PRKCA: variants seen among roughly 807,000 people sequenced by gnomAD.
The protein encoded by PRKCA is protein kinase C alpha type.
A neutral mutation model predicts 87.0 loss-of-function variants in PRKCA; 27 were observed. The observed-to-expected ratio is 0.31, with a 90% CI of 0.23 to 0.43. The LOEUF (loss-of-function observed/expected upper bound fraction) is 0.43, where lower values mean the gene tolerates loss of function less well. PRKCA is among the 20% of genes least tolerant of loss of function. The pLI is 1.00. For missense variants in PRKCA, 518 were observed against 852.3 expected (o/e 0.61, Z 4.88); for synonymous variants, 329 against 311.1 (o/e 1.06, Z -0.61).
chr17:66,606,463 C>T (rs993619452), intron 3 of PRKCA, among the ~76,000 whole-genome samples: 1 of 152,124 alleles, frequency 6.6e-6, no homozygotes, highest in African/African-American at 2.4e-5. Context: ...TCTGAAAGAG[C>T]TCATACGAAT....
At position 66,652,248 on chromosome 17, in the gene PRKCA, C is replaced by T. The variant is rs927444294; in HGVS notation, c.529+6737C>T. On this transcript the variant is annotated intron_variant, in intron 5 of 16. Transcript: ENST00000413366. ...TGTTGGGATTACAGGCGTGAGCCAC[C>T]GTGCCTGGCCAACCATTCTTGATTA... Among the ~76,000 whole-genome samples the T allele has an allele frequency of 3.9e-5, 6 of 152,256 alleles. No homozygotes were observed. The East Asian group carries it at 7.7e-4, about 20-fold the overall frequency.
chr17:66,345,448 A>C (rs537504629), intron 2 of PRKCA, among the ~76,000 whole-genome samples: 2 of 152,222 alleles, frequency 1.3e-5, no homozygotes, highest in South Asian at 4.1e-4. Flanking sequence ...TCACTTGCCT[A>C]ATTAGTTTTA....
intron 3 of PRKCA, among the ~76,000 whole-genome samples, chr17:66,544,175 G>T (rs1968079403): frequency 6.6e-6 from 1 of 152,128 alleles, no homozygotes; most frequent in African/African-American, 2.4e-5. Context: ...AGTGAGCCAA[G>T]ATCAGACCAC....
intron 3 of PRKCA, among the ~76,000 whole-genome samples, chr17:66,620,119 T>C (rs553536999): frequency 1.1e-4 from 16 of 152,332 alleles, no homozygotes; most frequent in Admixed American, 3.9e-4. Flanking sequence ...CAGCCCTTCC[T>C]CAAGGAGCTG....
chr17:66,741,743 C>T, intron 12 of PRKCA, 22 bp downstream of exon 12: 7 of 1,611,560 alleles, frequency 4.3e-6, no homozygotes, highest in Non-Finnish European at 5.9e-6. Flanking sequence ...AGCCCTCCTA[C>T]CAGCAGCTCA....
chr17:66,627,760 C>A (rs1219244297), intron 3 of PRKCA, among the ~76,000 whole-genome samples: 1 of 152,320 alleles, frequency 6.6e-6, no homozygotes, highest in Admixed American at 6.5e-5. Flanking sequence ...TGTTTTACGG[C>A]TTCCTACCAG....
Position 66,399,100 on chromosome 17 carries a change from C to CTTTTCTTTTCTTTTCT in PRKCA, c.205+92977_205+92978insCTTTTCTTTTCTTTTT, listed in dbSNP as rs1555598364. On this transcript the variant is annotated intron_variant, in intron 2 of 16. Transcript: ENST00000413366. The stretch of plus-strand genomic sequence containing the variant: ...ACAGCATTTTCTTTTCTTTTCTTTT[C>CTTTTCTTTTCTTTTCT]TTTTTTTTTTTTTTTTGAGACAGGG... Among the ~76,000 whole-genome samples, 302 of 117,268 alleles carry CTTTTCTTTTCTTTTCT rather than the reference C, an allele frequency of 2.6e-3. 2 individuals carry two copies. The highest frequency in any genetic ancestry group is 7.5e-3 in the African/African-American group (239 of 31,758). 76.9% of individuals were successfully genotyped at this position (117,268 alleles called of 152,430 possible).
At chr17:66,352,102 T>C (rs908470725) in intron 2 of PRKCA, among the ~76,000 whole-genome samples, 1 of 152,138 alleles carries the variant, frequency 6.6e-6, no homozygotes, top group Non-Finnish European at 1.5e-5. Context: ...TCCAATGAAC[T>C]CTGCTCATGG....
intron 5 of PRKCA, among the ~76,000 whole-genome samples, chr17:66,666,410 A>G (rs1972044159): frequency 6.6e-6 from 1 of 152,064 alleles, no homozygotes; most frequent in East Asian, 1.9e-4. Flanking sequence ...CTCTGCTGAC[A>G]TTTGCCTGGA....
intron 2 of PRKCA, among the ~76,000 whole-genome samples, chr17:66,360,126 C>A (rs1908301428): frequency 6.6e-6 from 1 of 152,210 alleles, no homozygotes; most frequent in Non-Finnish European, 1.5e-5. Context: ...TTCACAATAA[C>A]TTTTCCACTC....
chr17:66,470,737 T>A (rs958229946), intron 2 of PRKCA, among the ~76,000 whole-genome samples: 4 of 152,152 alleles, frequency 2.6e-5, no homozygotes, highest in Admixed American at 2.6e-4. Flanking sequence ...AGGATTTAAT[T>A]ATTAGGGGGA....
intron 3 of PRKCA, among the ~76,000 whole-genome samples, chr17:66,573,684 T>C (rs1025487874): frequency 6.6e-6 from 1 of 152,234 alleles, no homozygotes; most frequent in Admixed American, 6.5e-5. Context: ...TTTGACATTA[T>C]GCTTTGTTGT....
chr17:66,518,974 C>G (rs1031020565), intron 3 of PRKCA, among the ~76,000 whole-genome samples: 2 of 152,166 alleles, frequency 1.3e-5, no homozygotes, highest in African/African-American at 4.8e-5. Context: ...GCGTACACTA[C>G]AAAGCACAGA....
intron 2 of PRKCA, among the ~76,000 whole-genome samples, chr17:66,436,214 T>C (rs1256942038): frequency 6.6e-6 from 1 of 152,200 alleles, no homozygotes; most frequent in East Asian, 1.9e-4. Flanking sequence ...AATGAAAATC[T>C]TGTGAAAGCT....
intron 2 of PRKCA, among the ~76,000 whole-genome samples, chr17:66,392,650 G>A (rs937486644): frequency 1.3e-5 from 2 of 152,016 alleles, no homozygotes; most frequent in Non-Finnish European, 2.9e-5. Flanking sequence ...GTGGTGTTTA[G>A]TCAGCTGCAT....
At chr17:66,479,281 T>G in intron 2 of PRKCA, among the ~76,000 whole-genome samples, 1 of 152,136 alleles carries the variant, frequency 6.6e-6, no homozygotes, top group East Asian at 1.9e-4. Context: ...CACTGATCAT[T>G]AGAGAAATGC....
At chr17:66,522,179 G>T (rs1967182434) in intron 3 of PRKCA, among the ~76,000 whole-genome samples, 1 of 152,190 alleles carries the variant, frequency 6.6e-6, no homozygotes, top group Non-Finnish European at 1.5e-5. Flanking sequence ...TGGACCAGGA[G>T]CCCCGTGGGA....
intron 2 of PRKCA, among the ~76,000 whole-genome samples, chr17:66,413,866 T>G (rs1911961798): frequency 6.6e-6 from 1 of 152,010 alleles, no homozygotes; most frequent in Non-Finnish European, 1.5e-5. Flanking sequence ...ATACAAAAAT[T>G]AGCTGAGCAT....
chr17:66,782,046 A>T (rs1253259294), intron 14 of PRKCA, among the ~76,000 whole-genome samples: 4 of 151,698 alleles, frequency 2.6e-5, no homozygotes, highest in Non-Finnish European at 5.9e-5. Context: ...CCCAGGTAGC[A>T]GGGACTACAG....
Sources: allele counts gnomAD v4.1 joint callset (sites outside exome capture counted in the v4.1 genomes callset), GRCh38; gene constraint gnomAD v4.1.1; transcripts MANE v1.5; gene names NCBI Gene and HGNC (gene_info 2026-07-23, HGNC 2026-07-21).